CSMD1: variants seen among roughly 807,000 people sequenced by gnomAD.
CSMD1 encodes CUB and Sushi multiple domains 1, also known as CUB and sushi domain-containing protein 1.
Under a neutral mutation model 417.5 loss-of-function variants are expected in CSMD1, and 213 were observed. The ratio of observed to expected loss-of-function variants is 0.51; its 90% CI spans 0.46 to 0.57. The LOEUF is 0.57. Ranked by LOEUF, CSMD1 falls within the 20% of genes least tolerant of loss-of-function variation. The pLI, the probability that CSMD1 is intolerant of heterozygous loss-of-function variation, is 0.00. For synonymous variants in CSMD1, 2,862 were observed against 1,736.8 expected (o/e 1.65, Z -16.11); for missense variants, 6,923 against 4,529.7 (o/e 1.53, Z -15.17).
intron 23 of CSMD1, among the ~76,000 whole-genome samples, chr8:3,311,034 C>T (rs879852115): frequency 2.2e-4 from 33 of 152,162 alleles, no homozygotes; most frequent in South Asian, 4.1e-4. Flanking sequence ...AATGAGGTTA[C>T]GTCCCAATAA....
intron 10 of CSMD1, among the ~76,000 whole-genome samples, chr8:3,569,343 T>C (rs556367696): frequency 6.6e-6 from 1 of 152,334 alleles, no homozygotes; most frequent in African/African-American, 2.4e-5. Context: ...TGAGGAGTTT[T>C]ACATAAATAC....
rs917455418 is a variant in CSMD1, at chr8:3,272,637, G to C, written c.4153+11507C>G. 2.2e-4 allele frequency among the ~76,000 whole-genome samples: 31 copies of C among 137,838 alleles called. 3 individuals carry two copies. The highest frequency in any genetic ancestry group is 1.2e-3 in the South Asian group (5 of 4,104). The allele number at this position is 137,838 out of a possible 152,430, so 90.4% of individuals were successfully genotyped here. A position where few individuals can be genotyped will look rare whatever the true frequency, so the allele number is the denominator to read the frequency against. ...AGTGGTTTGTAGTTCTCCTTGAAGAGGTCCTTCACATCCCTTGTAAGTTGG... is the reference window on the plus strand; with the variant it reads ...AGTGGTTTGTAGTTCTCCTTGAAGACGTCCTTCACATCCCTTGTAAGTTGG... On this transcript the variant is annotated intron_variant, in intron 26 of 69. Transcript: ENST00000635120.
intron 3 of CSMD1, among the ~76,000 whole-genome samples, chr8:4,109,732 G>C (rs954109724): frequency 1.3e-5 from 2 of 152,048 alleles, no homozygotes; most frequent in Admixed American, 6.6e-5. Context: ...AAACAACTAT[G>C]TCTTATTTTT....
Position 3,985,670 on chromosome 8 carries a change from G to C in CSMD1, c.818+12233C>G, listed in dbSNP as rs548714563. ...ACAGAAGCTTGCTAGGTTGATGCTAGAATTCTCATTACAACCTCCAAGAAT... is the reference window on the plus strand; with the variant it reads ...ACAGAAGCTTGCTAGGTTGATGCTACAATTCTCATTACAACCTCCAAGAAT... On this transcript the variant is annotated intron_variant, in intron 5 of 69. Coordinates refer to ENST00000635120, the MANE Select transcript of CSMD1 (RefSeq NM_033225.6). 7.9e-5 allele frequency among the ~76,000 whole-genome samples: 12 copies of C among 152,084 alleles called. No individual in the cohort carries two copies. The South Asian group carries it at 1.9e-3, about 24-fold the overall frequency.
chr8:3,911,579 C>G lies in CSMD1; in HGVS notation c.818+86324G>C, dbSNP rs186919104. On this transcript the variant is annotated intron_variant, in intron 5 of 69. Transcript: ENST00000635120. The stretch of plus-strand genomic sequence containing the variant: ...AGAAGAAAACGAAGGCTATATAACA[C>G]CAGCTGGTCTTTATATTTCCAGTTT... 5.3e-5 allele frequency among the ~76,000 whole-genome samples: 8 copies of G among 151,774 alleles called. No homozygotes were observed. The East Asian group carries it at 1.6e-3, about 29-fold the overall frequency.
intron 29 of CSMD1, among the ~76,000 whole-genome samples, chr8:3,218,249 A>G (rs17079638): frequency 0.078 from 11,882 of 152,200 alleles, 520 homozygotes; most frequent in African/African-American, 0.11. Context: ...ATATGTTGAC[A>G]TGGAAAATGT....
intron 1 of CSMD1, among the ~76,000 whole-genome samples, chr8:4,825,235 T>A (rs951706613): frequency 2.0e-5 from 3 of 152,102 alleles, no homozygotes; most frequent in Non-Finnish European, 4.4e-5. Context: ...ATATACATAC[T>A]TGGAGGCATT....
intron 2 of CSMD1, among the ~76,000 whole-genome samples, chr8:4,478,129 C>G (rs936846142): frequency 6.6e-6 from 1 of 152,140 alleles, no homozygotes; most frequent in South Asian, 2.1e-4. Context: ...GTTCACAGGC[C>G]TAGTGCCTGT....
Position 2,980,004 on chromosome 8 carries a change from G to T in CSMD1, c.8378-1204C>A, listed in dbSNP as rs1185333505. On this transcript the variant is annotated intron_variant, in intron 54 of 69. Coordinates refer to ENST00000635120, the MANE Select transcript of CSMD1 (RefSeq NM_033225.6). ...GAAAATGTGATTATTTGTATAACCT[G>T]GAAGACACCCACATCGTCCCATTCT... is the stretch of plus-strand genomic sequence containing the variant. 2.0e-5 allele frequency among the ~76,000 whole-genome samples: 3 copies of T among 152,274 alleles called. No individual in the cohort carries two copies. The East Asian group carries it at 5.8e-4, about 29-fold the overall frequency.
intron 48 of CSMD1, among the ~76,000 whole-genome samples, chr8:3,089,987 T>C (rs1414532210): frequency 6.6e-6 from 1 of 152,178 alleles, no homozygotes; most frequent in Non-Finnish European, 1.5e-5. Context: ...GCTGACCATG[T>C]TTCCACATTG....
At chr8:4,829,155 T>C (rs974614070) in intron 1 of CSMD1, among the ~76,000 whole-genome samples, 4 of 152,226 alleles carry the variant, frequency 2.6e-5, no homozygotes, top group Non-Finnish European at 1.5e-5. Flanking sequence ...ATCCTGCCTG[T>C]TGCAATTCCA....
At chr8:4,198,950 C>CT (rs1003015779) in intron 3 of CSMD1, among the ~76,000 whole-genome samples, 2 of 133,534 alleles carry the variant, frequency 1.5e-5, no homozygotes, top group Non-Finnish European at 3.1e-5. Context: ...GTGTATTTAT[C>CT]TTTTTTTAAG....
At chr8:4,177,836 T>C (rs922611333) in intron 3 of CSMD1, among the ~76,000 whole-genome samples, 10 of 151,122 alleles carry the variant, frequency 6.6e-5, no homozygotes, top group Admixed American at 3.3e-4. Context: ...CTATAAGAAA[T>C]GGATAAATTC....
At chr8:3,665,994 T>C (rs1231315652) in intron 7 of CSMD1, among the ~76,000 whole-genome samples, 1 of 152,104 alleles carries the variant, frequency 6.6e-6, no homozygotes, top group Admixed American at 6.6e-5. Flanking sequence ...TTTCCTGCCT[T>C]AGCCTCCTCC....
At position 4,413,057 on chromosome 8, in the gene CSMD1, T is replaced by G. The variant is rs193284466; in HGVS notation, c.415+6896A>C. Among the ~76,000 whole-genome samples, 6 of 152,316 alleles carry G rather than the reference T, an allele frequency of 3.9e-5. No individual in the cohort carries two copies. The East Asian group carries it at 1.2e-3, about 29-fold the overall frequency. On this transcript the variant is annotated intron_variant, in intron 3 of 69. Transcript: ENST00000635120. ...TTTCCAGAAAAATAGACTTACAAAA[T>G]TACGCATATAATTTCACAGCTTCAT...
intron 1 of CSMD1, among the ~76,000 whole-genome samples, chr8:4,897,233 A>G (rs928776792): frequency 1.3e-5 from 2 of 152,064 alleles, no homozygotes; most frequent in Admixed American, 1.3e-4. Context: ...TTTTGTTTCT[A>G]CTGTGTCAAA....
At chr8:3,680,940 C>G (rs569038064) in intron 7 of CSMD1, among the ~76,000 whole-genome samples, 12 of 152,298 alleles carry the variant, frequency 7.9e-5, no homozygotes, top group Admixed American at 7.2e-4. Context: ...ACAAAAACCA[C>G]ATGATTATCT....
rs551222035 is a variant in CSMD1 at position 3,223,745 on chromosome 8, C to T, written c.4468G>A (p.Ala1490Thr). The stretch of plus-strand genomic sequence containing the variant: ...AGACGGTACCTTTTGAATATCAAGG[C>T]GATGACAAAGTCCGGGTTCACTTTT... The part of the protein sequence containing the change: ...RVKVNPDFVI[A>T]LIFKSFNMEP... The change falls in exon 28 of 70, where the codon GCC becomes ACC. Residue 1490 changes from alanine (A) to threonine (T), a missense_variant. Coordinates refer to ENST00000635120, the MANE Select transcript of CSMD1 (RefSeq NM_033225.6). 18 of 1,613,760 alleles carry T rather than the reference C, an allele frequency of 1.1e-5. No individual in the cohort carries two copies. Among genetic ancestry groups the T allele is most frequent in the East Asian group, 2.2e-5 (1 of 44,878 alleles).
At chr8:2,967,388 T>C (rs552300722) in intron 57 of CSMD1, among the ~76,000 whole-genome samples, 13 of 152,344 alleles carry the variant, frequency 8.5e-5, no homozygotes, top group African/African-American at 2.9e-4. Flanking sequence ...CCTAATGCCA[T>C]GTACAGGCAA....
Sources: gnomAD v4.1 joint callset for allele counts (sites outside exome capture counted in the v4.1 genomes callset) on GRCh38, gnomAD v4.1.1 for gene constraint, MANE v1.5 for transcripts, NCBI Gene and HGNC (gene_info 2026-07-23, HGNC 2026-07-21) for gene names.